Variants in ST3GAL1 observed in about 807,000 individuals in gnomAD.
The protein encoded by ST3GAL1 is CMP-N-acetylneuraminate-beta-galactosamide-alpha-2,3-sialyltransferase 1.
Under a neutral mutation model 34.1 loss-of-function variants are expected in ST3GAL1, and 16 were observed. The observed-to-expected ratio is 0.47, with a 90% CI of 0.32 to 0.71. The LOEUF is 0.71. ST3GAL1 is among the 30% of genes least tolerant of loss of function. The pLI is 0.04. For missense variants in ST3GAL1, 353 were observed against 447.4 expected, an observed-to-expected ratio of 0.79 and a Z score of 1.90; for synonymous variants, 191 against 184.7, an observed-to-expected ratio of 1.03 and a Z score of -0.28.
chr8:133,550,240 C>T (rs1210614980), intron 1 of ST3GAL1, among the ~76,000 whole-genome samples: 1 of 152,156 alleles, frequency 6.6e-6, no homozygotes, highest in Non-Finnish European at 1.5e-5. Context: ...GCTGTCATGC[C>T]TCTTTCTATA....
chr8:133,507,396 T>C (rs1441457498), intron 2 of ST3GAL1, among the ~76,000 whole-genome samples: 1 of 152,246 alleles, frequency 6.6e-6, no homozygotes, highest in East Asian at 1.9e-4. Context: ...ATGGCGATGG[T>C]AGGGAAGAGC....
At chr8:133,496,308 G>T (rs893793312) in intron 3 of ST3GAL1, among the ~76,000 whole-genome samples, 1 of 152,184 alleles carries the variant, frequency 6.6e-6, no homozygotes, top group Non-Finnish European at 1.5e-5. Flanking sequence ...ATGAGTTTCT[G>T]GTTCTGCAGC....
intron 1 of ST3GAL1, among the ~76,000 whole-genome samples, chr8:133,557,235 C>T (rs944188141): frequency 5.9e-5 from 9 of 152,098 alleles, no homozygotes; most frequent in African/African-American, 1.2e-4. Flanking sequence ...GCTTGCTCAC[C>T]GGGAGGTCTA....
At chr8:133,557,657 G>A (rs1433079864) in intron 1 of ST3GAL1, among the ~76,000 whole-genome samples, 1 of 152,186 alleles carries the variant, frequency 6.6e-6, no homozygotes, top group East Asian at 1.9e-4. Flanking sequence ...AGACTAGCCT[G>A]ACCAACATGG....
In ST3GAL1 at chr8:133,476,019, C is replaced by T. The variant is rs1340541954; in HGVS notation, c.6G>A (p.Val2=). 1.3e-6 allele frequency: 2 copies of T among 1,585,018 alleles called. No individual in the cohort carries two copies. The highest frequency in any genetic ancestry group is 1.7e-6 in the Non-Finnish European group (2 of 1,164,176). The change falls in exon 5 of 10, where the codon GTG becomes GTA. Residue 2 remains valine, a synonymous_variant. Transcript: ENST00000522652. The part of the protein sequence containing the change: M[V]TLRKRTLKVL... ...CTTTCAGGGTCCTCTTCCGCAGGGT[C>T]ACCATCTTCGCAGTCCTGATGGTGG...
chr8:133,485,416 G>A (rs1816546459), intron 3 of ST3GAL1, among the ~76,000 whole-genome samples: 3 of 152,160 alleles, frequency 2.0e-5, no homozygotes, highest in South Asian at 4.1e-4. Context: ...GAAGCTTCGT[G>A]GCCTGTGGGC....
chr8:133,511,001 T>C (rs943409931), intron 2 of ST3GAL1, among the ~76,000 whole-genome samples: 2 of 152,228 alleles, frequency 1.3e-5, no homozygotes, highest in Non-Finnish European at 2.9e-5. Context: ...TTTTAAATGA[T>C]AAACAGAAGT....
chr8:133,567,332 T>A (rs1819431442), intron 1 of ST3GAL1: 1 of 152,202 alleles, frequency 6.6e-6, no homozygotes, highest in Non-Finnish European at 1.5e-5. Context: ...TGGAAGGTAA[T>A]AAGTTCCCAG....
At chr8:133,516,158 A>T (rs536900128) in intron 2 of ST3GAL1, 1 of 152,250 alleles carries the variant, frequency 6.6e-6, no homozygotes, top group Admixed American at 6.5e-5. Context: ...ACTGGTCCTT[A>T]TTATGCCTTT....
chr8:133,481,862 C>T (rs187908429), intron 3 of ST3GAL1, among the ~76,000 whole-genome samples: 1 of 152,084 alleles, frequency 6.6e-6, no homozygotes, highest in East Asian at 1.9e-4. Context: ...AACTTAAGTG[C>T]TGGCAAATGC....
chr8:133,536,288 G>T (rs903133369), intron 2 of ST3GAL1, among the ~76,000 whole-genome samples: 7 of 152,208 alleles, frequency 4.6e-5, no homozygotes, highest in African/African-American at 1.7e-4. Flanking sequence ...TCTGTTCCAG[G>T]ATAGTAAGGG....
chr8:133,468,883 C>T (rs576954623), intron 5 of ST3GAL1, among the ~76,000 whole-genome samples: 110 of 152,320 alleles, frequency 7.2e-4, no homozygotes, highest in African/African-American at 1.6e-3. Flanking sequence ...AGGACCACAG[C>T]CAGACTCCCC....
chr8:133,540,996 T>TATATAGAC (rs1818489916), intron 2 of ST3GAL1, among the ~76,000 whole-genome samples: 1 of 50,144 alleles, frequency 2.0e-5, no homozygotes, highest in African/African-American at 8.6e-5. Flanking sequence ...TATATAGACA[T>TATATAGAC]ATATATATAG....
At chr8:133,520,874 C>T (rs1388640787) in intron 2 of ST3GAL1, among the ~76,000 whole-genome samples, 1 of 150,928 alleles carries the variant, frequency 6.6e-6, no homozygotes. Flanking sequence ...CAGGTTCAGG[C>T]AATTCTTGTG....
chr8:133,553,648 C>T (rs1818923886), intron 1 of ST3GAL1, among the ~76,000 whole-genome samples: 1 of 152,172 alleles, frequency 6.6e-6, no homozygotes, highest in Non-Finnish European at 1.5e-5. Context: ...AGAACACTGC[C>T]TGGTATGCTT....
rs1242790699 is a variant in ST3GAL1 at position 133,557,797 on chromosome 8, C to T, written c.-581-11871G>A. Among the ~76,000 whole-genome samples the T allele has an allele frequency of 3.3e-5, 5 of 151,054 alleles. No individual in the cohort carries two copies. In the East Asian group the frequency reaches 7.9e-4, roughly 24 times the overall value. ...CAGAAGGTGGAGGTTGCAGTGAGCT[C>T]AGGAGGCTGAGGCAGGAGAATTGCT... On this transcript the variant is annotated intron_variant, in intron 1 of 9. Coordinates refer to ENST00000522652, the MANE Select transcript of ST3GAL1 (RefSeq NM_173344.3).
intron 2 of ST3GAL1, among the ~76,000 whole-genome samples, chr8:133,527,375 G>A (rs941488721): frequency 5.3e-5 from 8 of 152,156 alleles, no homozygotes; most frequent in African/African-American, 1.7e-4. Flanking sequence ...GAGTAAAGGG[G>A]TTGAGGTGGT....
chr8:133,490,079 G>A (rs16904932), intron 3 of ST3GAL1, among the ~76,000 whole-genome samples: 48,890 of 151,976 alleles, frequency 0.32, 8,126 homozygotes, highest in Admixed American at 0.36. Flanking sequence ...GGGGCTCTTC[G>A]GGCAGGCATT....
At chr8:133,506,159 A>G (rs1382170244) in intron 2 of ST3GAL1, among the ~76,000 whole-genome samples, 1 of 152,190 alleles carries the variant, frequency 6.6e-6, no homozygotes, top group Non-Finnish European at 1.5e-5. Context: ...ACCGAGAAGT[A>G]GAGAGCACAG....
Sources: gnomAD v4.1 joint callset for allele counts (sites outside exome capture counted in the v4.1 genomes callset) on GRCh38, gnomAD v4.1.1 for gene constraint, MANE v1.5 for transcripts, NCBI Gene and HGNC (gene_info 2026-07-23, HGNC 2026-07-21) for gene names.